YARS1: variants seen among roughly 807,000 people sequenced by gnomAD.
YARS1 encodes the protein tyrosine--tRNA ligase, cytoplasmic.
In YARS1, 36 loss-of-function variants were observed where a neutral mutation model predicts 62.2. That is an observed-to-expected ratio of 0.58 (90% CI 0.44 to 0.76). YARS1 has a LOEUF of 0.76. YARS1 is among the 30% of genes least tolerant of loss of function. The pLI is 0.00. For synonymous variants in YARS1, 234 were observed against 244.9 expected, an observed-to-expected ratio of 0.96 and a Z score of 0.42; for missense variants, 524 against 639.8, an observed-to-expected ratio of 0.82 and a Z score of 1.95.
intron 4 of YARS1, among the ~76,000 whole-genome samples, chr1:32,798,743 G>C (rs1298753870): frequency 6.6e-6 from 1 of 152,198 alleles, no homozygotes; most frequent in Non-Finnish European, 1.5e-5. Flanking sequence ...GATCACCTAA[G>C]CCCAGAGAGG....
intron 5 of YARS1, among the ~76,000 whole-genome samples, chr1:32,793,521 A>T (rs1198330943): frequency 6.6e-6 from 1 of 152,014 alleles, no homozygotes; most frequent in Admixed American, 6.6e-5. Context: ...GCACATGCCC[A>T]TAGTCCCAGC....
chr1:32,801,845 A>G (rs890903168), intron 4 of YARS1, among the ~76,000 whole-genome samples: 1 of 152,182 alleles, frequency 6.6e-6, no homozygotes, highest in Non-Finnish European at 1.5e-5. Flanking sequence ...CTCATCCATA[A>G]GAAGCAATTC....
chr1:32,786,888 A>G, intron 7 of YARS1, 52 bp downstream of exon 7: 1 of 1,612,620 alleles, frequency 6.2e-7, no homozygotes, highest in Non-Finnish European at 8.5e-7. Flanking sequence ...TGATCACAGC[A>G]CGAACTTTTC....
Position 32,786,371 on chromosome 1 carries a change from A to G in YARS1, c.897T>C (p.Phe299=). 1.9e-6 allele frequency: 3 copies of G among 1,614,062 alleles called. No homozygotes were observed. Among genetic ancestry groups the G allele is most frequent in the Non-Finnish European group, 2.5e-6 (3 of 1,179,980 alleles). ...YTAYVDLEKD[F]AAEVVHPGDL... is the part of the protein sequence containing the mutation. ...TTTCCTTTCATGTTACCTCAGCAGC[A>G]AAGTCCTTTTCCAGGTCCACGTAAG... Residue 299 remains phenylalanine (F), a synonymous_variant, in exon 8 of 13, where the codon TTT becomes TTC. Coordinates refer to ENST00000373477, the MANE Select transcript of YARS1 (RefSeq NM_003680.4).
chr1:32,788,055 G>GC (rs1272442351), intron 6 of YARS1, among the ~76,000 whole-genome samples: 2 of 152,084 alleles, frequency 1.3e-5, no homozygotes, highest in African/African-American at 4.8e-5. Context: ...GTGCAGTGAG[G>GC]CATGATCATG....
chr1:32,798,979 G>C (rs1321212180), intron 4 of YARS1, among the ~76,000 whole-genome samples: 1 of 152,194 alleles, frequency 6.6e-6, no homozygotes, highest in Non-Finnish European at 1.5e-5. Flanking sequence ...CATGTAAACA[G>C]ATCATTTCAA....
At chr1:32,816,974 A>G in intron 1 of YARS1, 2 of 629,112 alleles carry the variant, frequency 3.2e-6, no homozygotes, top group South Asian at 3.7e-5. Context: ...AGACAACTGG[A>G]CGCAAGAGGT....
chr1:32,786,451 T>TA lies in YARS1; in HGVS notation c.821-5dup. On this transcript the variant is annotated splice_polypyrimidine_tract_variant and splice_region_variant and intron_variant, in intron 7 of 12. Coordinates refer to ENST00000373477, the MANE Select transcript of YARS1 (RefSeq NM_003680.4). ...TCATCTCGTAGGATCACAAACTCTA[T>TA]AAGGAAAAGGATCCATGTCAACAAA... is the stretch of plus-strand genomic sequence containing the variant. The TA allele has an allele frequency of 6.2e-7, 1 of 1,613,120 alleles. No homozygotes were observed. The highest frequency in any genetic ancestry group is 8.5e-7 in the Non-Finnish European group (1 of 1,179,432).
chr1:32,791,322 T>C (rs1189070754), intron 5 of YARS1, 68 bp from the exon 6 acceptor site: 2 of 1,296,322 alleles, frequency 1.5e-6, no homozygotes, highest in Non-Finnish European at 2.2e-6. Context: ...CCTGATCTCA[T>C]CTGACTTGGC....
chr1:32,792,888 AT>A (rs201198159), intron 5 of YARS1, among the ~76,000 whole-genome samples: 28 of 150,900 alleles, frequency 1.9e-4, no homozygotes, highest in Non-Finnish European at 2.8e-4. Flanking sequence ...TCAAAAAAAA[AT>A]AAAAATAAAA....
intron 6 of YARS1, among the ~76,000 whole-genome samples, 156 bp from the exon 7 acceptor site, chr1:32,787,231 G>A (rs1381673444): frequency 6.6e-6 from 1 of 152,140 alleles, no homozygotes; most frequent in Non-Finnish European, 1.5e-5. Flanking sequence ...CTGGGCTCAA[G>A]AGATTCTCCC....
At chr1:32,804,205 C>T (rs913286355) in intron 4 of YARS1, among the ~76,000 whole-genome samples, 2 of 152,362 alleles carry the variant, frequency 1.3e-5, no homozygotes, top group East Asian at 1.9e-4. Context: ...CTTTTCTATT[C>T]GACAAAACCG....
intron 6 of YARS1, among the ~76,000 whole-genome samples, chr1:32,788,013 G>A (rs546197266): frequency 1.3e-5 from 2 of 152,276 alleles, no homozygotes; most frequent in Admixed American, 1.3e-4. Flanking sequence ...AGGAGGCTGA[G>A]GCAGGAGGAT....
chr1:32,814,048 A>T (rs1018075315), intron 1 of YARS1, among the ~76,000 whole-genome samples: 1 of 152,146 alleles, frequency 6.6e-6, no homozygotes, highest in Non-Finnish European at 1.5e-5. Context: ...AATTACTACT[A>T]TGAGCCAGTA....
chr1:32,813,523 T>C (rs1638631797), intron 1 of YARS1, among the ~76,000 whole-genome samples: 1 of 152,224 alleles, frequency 6.6e-6, no homozygotes, highest in Non-Finnish European at 1.5e-5. Flanking sequence ...TTTCACCATG[T>C]TGGTCAGGTT....
intron 11 of YARS1, 119 bp downstream of exon 11, chr1:32,779,966 A>G: frequency 4.9e-6 from 6 of 1,236,446 alleles, no homozygotes; most frequent in Middle Eastern, 2.7e-4. Flanking sequence ...GGCATCAGCA[A>G]GGAAGAGGCA....
At chr1:32,799,057 T>C (rs953527972) in intron 4 of YARS1, among the ~76,000 whole-genome samples, 2 of 152,184 alleles carry the variant, frequency 1.3e-5, no homozygotes, top group Non-Finnish European at 2.9e-5. Context: ...GAAGAAATTA[T>C]CTCTATTTAG....
At chr1:32,807,931 A>C (rs562269033) in intron 3 of YARS1, among the ~76,000 whole-genome samples, 3 of 151,996 alleles carry the variant, frequency 2.0e-5, no homozygotes, top group Non-Finnish European at 4.4e-5. Flanking sequence ...TGTTTTTGAG[A>C]CAGGATCTTG....
At position 32,786,654 on chromosome 1, in the gene YARS1, T is replaced by C. The variant is rs529545909; in HGVS notation, c.821-207A>G. ...GCTGCTTCAGGGGAAGGCTTGTGGC[T>C]TATATCTATTTTGTTGTATTCCTCT... On this transcript the variant is annotated intron_variant, in intron 7 of 12. Transcript: ENST00000373477. The C allele has an allele frequency of 1.6e-5, 11 of 704,760 alleles. No individual in the cohort carries two copies. In the South Asian group the frequency reaches 1.9e-4, roughly 12 times the overall value. The allele number at this position is 704,760 out of a possible 1,614,324, so 43.7% of individuals were successfully genotyped here.
Sources: allele counts gnomAD v4.1 joint callset (sites outside exome capture counted in the v4.1 genomes callset), GRCh38; gene constraint gnomAD v4.1.1; transcripts MANE v1.5; gene names NCBI Gene and HGNC (gene_info 2026-07-23, HGNC 2026-07-21).